The following MRPS25 variants were observed in gnomAD, a reference collection of about 807,000 sequenced individuals.
MRPS25 encodes small ribosomal subunit protein mS25.
Under a neutral mutation model 17.3 loss-of-function variants are expected in MRPS25, and 15 were observed. The observed-to-expected ratio is 0.87, with a 90% CI of 0.58 to 1.34. The LOEUF (loss-of-function observed/expected upper bound fraction) is 1.34. Ranked by LOEUF, MRPS25 falls within the 40% of genes most tolerant of loss-of-function variation. The probability of loss-of-function intolerance (pLI) is 0.00; values close to 1 mark genes in which losing one functional copy is unlikely to be tolerated. For synonymous variants in MRPS25, 94 were observed against 83.3 expected, an observed-to-expected ratio of 1.13 and a Z score of -0.70; for missense variants, 225 against 218.6, an observed-to-expected ratio of 1.03 and a Z score of -0.19.
At chr3:15,062,453 C>G in intron 1 of MRPS25, among the ~76,000 whole-genome samples, 1 of 121,540 alleles carries the variant, frequency 8.2e-6, no homozygotes, top group East Asian at 2.5e-4. Context: ...TGGGGGGGGT[C>G]AGCCCCCTGC....
rs1200670534 is a variant in MRPS25, at chr3:15,051,908, G to A, written c.*533C>T. On this transcript the variant is annotated 3_prime_UTR_variant, in exon 4 of 4. Transcript: ENST00000253686. ...CCCCAGCAGGCAAGGGTAATCAACT[G>A]TACTTAAAAAAGTGAGCACTGCACG... is the stretch of plus-strand genomic sequence containing the variant. The A allele has an allele frequency of 3.0e-6, 3 of 985,576 alleles. No homozygotes were observed. The highest frequency in any genetic ancestry group is 3.5e-5 in the African/African-American group (2 of 57,352). 61.1% of individuals were successfully genotyped at this position (985,576 alleles called of 1,614,324 possible).
chr3:15,049,622 T>C lies in MRPS25; in HGVS notation c.*2819A>G. 2.0e-6 allele frequency: 1 copy of C among 495,898 alleles called. No individual in the cohort carries two copies. 30.7% of individuals were successfully genotyped at this position (495,898 alleles called of 1,614,324 possible). A position where few individuals can be genotyped will look rare whatever the true frequency, so the allele number is the denominator to read the frequency against. ...ACAGACAGGCCTTAAATTGGCAAGC[T>C]TATTCTCTAAGGATACGTGCTATCA... On this transcript the variant is annotated 3_prime_UTR_variant, in exon 4 of 4. Coordinates refer to ENST00000253686, the MANE Select transcript of MRPS25 (RefSeq NM_022497.5).
In MRPS25 at chr3:15,059,353, C is replaced by T. The variant is rs775610693; in HGVS notation, c.241+16G>A. On this transcript the variant is annotated intron_variant, in intron 2 of 3. Transcript: ENST00000253686. Reference sequence around the variant, plus strand: ...GTCTGGGACAGCCCCTGGACCATGGCGAGGGCCCCACTCACCTAAGTAGAA... The same window carrying T: ...GTCTGGGACAGCCCCTGGACCATGGTGAGGGCCCCACTCACCTAAGTAGAA... The T allele has an allele frequency of 7.7e-6, 12 of 1,563,936 alleles. No homozygotes were observed. Among genetic ancestry groups the T allele is most frequent in the South Asian group, 6.7e-5 (6 of 89,762 alleles).
chr3:15,065,220 C>A lies in MRPS25; in HGVS notation c.-26G>T, dbSNP rs1312087412. On this transcript the variant is annotated 5_prime_UTR_variant, in exon 1 of 4. Coordinates refer to ENST00000253686, the MANE Select transcript of MRPS25 (RefSeq NM_022497.5). ...GGCGGCAACGGTGGCGGGGCCGACC[C>A]CACGGGCCGCGAGCCGAGCAGCGAC... The A allele has an allele frequency of 1.3e-6, 2 of 1,558,972 alleles. No homozygotes were observed. The highest frequency in any genetic ancestry group is 2.4e-5 in the East Asian group (1 of 41,646).
At position 15,050,687 on chromosome 3, in the gene MRPS25, T is replaced by C; in HGVS notation, c.*1754A>G. 1 of 985,404 alleles carries C rather than the reference T, an allele frequency of 1.0e-6. No homozygotes were observed. Among genetic ancestry groups the C allele is most frequent in the Non-Finnish European group, 1.2e-6 (1 of 829,936 alleles). The allele number at this position is 985,404 out of a possible 1,614,324, so 61.0% of individuals were successfully genotyped here. On this transcript the variant is annotated 3_prime_UTR_variant, in exon 4 of 4. Transcript: ENST00000253686. ...TGCTGATAGCAGAGAGACAAGATGC[T>C]AGATTTCAATTAAACACTCCCTTTG... is the stretch of plus-strand genomic sequence containing the variant.
At chr3:15,043,551 A>C (rs915257322), downstream of MRPS25, 1 of 152,710 alleles carries the variant, frequency 6.5e-6, no homozygotes, top group African/African-American at 2.4e-5. Context: ...AGGGTACAGG[A>C]GACAATCATT....
At chr3:15,043,063 A>G, downstream of MRPS25, 1 of 1,515,194 alleles carries the variant, frequency 6.6e-7, no homozygotes, top group Non-Finnish European at 8.9e-7. Flanking sequence ...CCGTTCACAT[A>G]CAAAGAAAAG....
Position 15,053,588 on chromosome 3 carries a change from C to T in MRPS25, c.242-121G>A, listed in dbSNP as rs548171943. 257 of 1,085,142 alleles carry T rather than the reference C, an allele frequency of 2.4e-4. 12 individuals carry two copies. In the South Asian group the frequency reaches 2.4e-3, roughly 10 times the overall value. 67.2% of individuals were successfully genotyped at this position (1,085,142 alleles called of 1,614,324 possible). On this transcript the variant is annotated intron_variant, in intron 2 of 3. Transcript: ENST00000253686. The stretch of plus-strand genomic sequence containing the variant: ...ACATTTTAATAATAAAATAGATATA[C>T]TTGTTTACATAATCTGTAATACTAC...
At chr3:15,060,653 C>T (rs939185747) in intron 1 of MRPS25, among the ~76,000 whole-genome samples, 4 of 151,980 alleles carry the variant, frequency 2.6e-5, no homozygotes, top group Non-Finnish European at 4.4e-5. Context: ...GAGGCCGAGG[C>T]GGGTGGATCA....
chr3:15,050,111 C>T lies in MRPS25; in HGVS notation c.*2330G>A. 3 of 1,387,940 alleles carry T rather than the reference C, an allele frequency of 2.2e-6. No individual in the cohort carries two copies. The highest frequency in any genetic ancestry group is 2.8e-6 in the Non-Finnish European group (3 of 1,083,846). The allele number at this position is 1,387,940 out of a possible 1,614,324, so 86.0% of individuals were successfully genotyped here. Reference sequence around the variant, plus strand: ...CACTACTAAACAAAATAGGGAAAGACAAAGGTTTAAAGAGAAACTATCCAG... The same window carrying T: ...CACTACTAAACAAAATAGGGAAAGATAAAGGTTTAAAGAGAAACTATCCAG... On this transcript the variant is annotated 3_prime_UTR_variant, in exon 4 of 4. Coordinates refer to ENST00000253686, the MANE Select transcript of MRPS25 (RefSeq NM_022497.5).
chr3:15,059,316 C>G, intron 2 of MRPS25, 53 bp downstream of exon 2: 1 of 1,237,904 alleles, frequency 8.1e-7, no homozygotes, highest in Non-Finnish European at 1.2e-6. Flanking sequence ...AGGACGCAGT[C>G]TCTCCAGGCA....
At chr3:15,061,320 A>AT (rs910023104) in intron 1 of MRPS25, among the ~76,000 whole-genome samples, 12 of 150,970 alleles carry the variant, frequency 7.9e-5, no homozygotes, top group Non-Finnish European at 1.8e-4. Flanking sequence ...TCCCTGCCTG[A>AT]TTCTCCTGCC....
At chr3:15,063,025 A>C (rs1362017390) in intron 1 of MRPS25, among the ~76,000 whole-genome samples, 1 of 151,858 alleles carries the variant, frequency 6.6e-6, no homozygotes, top group Non-Finnish European at 1.5e-5. Context: ...CCTCTGCGAG[A>C]AACACCCAAG....
chr3:15,042,341 C>T (rs1392194587), downstream of MRPS25: 1 of 152,378 alleles, frequency 6.6e-6, no homozygotes, highest in African/African-American at 2.4e-5. Flanking sequence ...AATCCCAATA[C>T]CCAGAGCCCA....
intron 1 of MRPS25, 125 bp downstream of exon 1, chr3:15,064,936 C>G: frequency 7.9e-7 from 1 of 1,264,428 alleles, no homozygotes; most frequent in South Asian, 1.4e-5. Context: ...GGGGTAACAG[C>G]GCCGACCTGG....
Position 15,055,329 on chromosome 3 carries a change from T to G in MRPS25, c.242-1862A>C, listed in dbSNP as rs572452824. Among the ~76,000 whole-genome samples the G allele has an allele frequency of 2.2e-4, 33 of 152,246 alleles. 4 individuals carry two copies. Among genetic ancestry groups the G allele is most frequent in the South Asian group, 2.1e-3 (10 of 4,830 alleles). On this transcript the variant is annotated intron_variant, in intron 2 of 3. Transcript: ENST00000253686. ...CCAAACCACATCAATGAATAAACAT[T>G]TAACTAAATTTTTGTAAAGAGCTAA...
At chr3:15,052,724 C>G in intron 3 of MRPS25, 91 bp from the exon 4 acceptor site, 1 of 1,313,986 alleles carries the variant, frequency 7.6e-7, no homozygotes, top group East Asian at 2.3e-5. Context: ...CCACCATCCA[C>G]CAGGGACACC....
downstream of MRPS25, chr3:15,043,603 ATGT>A (rs1553576850): frequency 6.5e-6 from 1 of 152,724 alleles, no homozygotes; most frequent in Non-Finnish European, 1.5e-5. Context: ...TTGTGTGCAC[ATGT>A]TGTGGAGTTG....
chr3:15,051,852 G>T lies in MRPS25; in HGVS notation c.*589C>A. The T allele has an allele frequency of 1.0e-6, 1 of 985,520 alleles. No individual in the cohort carries two copies. The highest frequency in any genetic ancestry group is 1.2e-6 in the Non-Finnish European group (1 of 829,996). 61.0% of individuals were successfully genotyped at this position (985,520 alleles called of 1,614,324 possible). A position where few individuals can be genotyped will look rare whatever the true frequency, so the allele number is the denominator to read the frequency against. On this transcript the variant is annotated 3_prime_UTR_variant, in exon 4 of 4. Coordinates refer to ENST00000253686, the MANE Select transcript of MRPS25 (RefSeq NM_022497.5). ...GTGAGGCTGGCCTGTCAGCCACTGG[G>T]GCTCCTCCATCTCTGGCCCATGGCT...
Sources: allele counts gnomAD v4.1 joint callset (sites outside exome capture counted in the v4.1 genomes callset), GRCh38; gene constraint gnomAD v4.1.1; transcripts MANE v1.5; gene names NCBI Gene and HGNC (gene_info 2026-07-23, HGNC 2026-07-21).